LRRC7: variants seen among roughly 807,000 people sequenced by gnomAD.
The protein encoded by LRRC7 is leucine rich repeat containing 7.
LRRC7 carries 23 observed loss-of-function variants against 175.7 expected under a neutral mutation model. That is an observed-to-expected ratio of 0.13 (90% CI 0.09 to 0.19). The LOEUF is 0.19. Ranked by LOEUF, LRRC7 falls within the 10% of genes least tolerant of loss-of-function variation. LRRC7 has a pLI of 1.00. For synonymous variants in LRRC7, 685 were observed against 680.9 expected (o/e 1.01, Z -0.09); for missense variants, 1,354 against 1,904.7 (o/e 0.71, Z 5.38).
At chr1:69,618,780 A>G (rs1429956261) in intron 1 of LRRC7, among the ~76,000 whole-genome samples, 2 of 152,186 alleles carry the variant, frequency 1.3e-5, no homozygotes, top group Non-Finnish European at 2.9e-5. Context: ...GCCTAAAGCT[A>G]TAGGATCCTG....
At chr1:69,805,777 C>T (rs1040765497) in intron 4 of LRRC7, among the ~76,000 whole-genome samples, 1 of 151,794 alleles carries the variant, frequency 6.6e-6, no homozygotes, top group Admixed American at 6.6e-5. Context: ...ACTTTTAACT[C>T]TTTCTAATAT....
At chr1:69,617,324 T>C (rs1392023937) in intron 1 of LRRC7, among the ~76,000 whole-genome samples, 2 of 151,988 alleles carry the variant, frequency 1.3e-5, no homozygotes, top group Non-Finnish European at 2.9e-5. Context: ...AATCATATTA[T>C]TTATATGAGA....
intron 5 of LRRC7, among the ~76,000 whole-genome samples, chr1:69,826,260 A>G (rs1679899290): frequency 6.6e-6 from 1 of 152,182 alleles, no homozygotes; most frequent in Non-Finnish European, 1.5e-5. Context: ...GACCAGAAAT[A>G]GAAAGTACTT....
At chr1:69,881,891 A>T (rs1557845827) in intron 7 of LRRC7, among the ~76,000 whole-genome samples, 1 of 151,648 alleles carries the variant, frequency 6.6e-6, no homozygotes, top group Non-Finnish European at 1.5e-5. Flanking sequence ...AGATTAAAAA[A>T]AAAAAAAAAA....
chr1:69,846,876 C>A (rs1237631968), intron 7 of LRRC7, among the ~76,000 whole-genome samples: 2 of 151,886 alleles, frequency 1.3e-5, no homozygotes, highest in Admixed American at 6.6e-5. Flanking sequence ...ATAAAAATAT[C>A]TTTATCATAA....
chr1:70,116,149 C>T (rs772097430), intron 26 of LRRC7, among the ~76,000 whole-genome samples: 40 of 152,198 alleles, frequency 2.6e-4, no homozygotes, highest in Non-Finnish European at 5.0e-4. Flanking sequence ...AGTTTCTATT[C>T]AAATAATTCA....
chr1:70,132,255 G>A lies in LRRC7; in HGVS notation c.*10368G>A, dbSNP rs1482991444. On this transcript the variant is annotated 3_prime_UTR_variant, in exon 27 of 27. Coordinates refer to ENST00000651989, the MANE Select transcript of LRRC7 (RefSeq NM_001370785.2). ...TTCTGCCTTCCCTCCTGCTCTTCCAGATGTCAAAAGAAGAATTTACAGTGA... is the reference window on the plus strand; with the variant it reads ...TTCTGCCTTCCCTCCTGCTCTTCCAAATGTCAAAAGAAGAATTTACAGTGA... 1 of 152,130 alleles carries A rather than the reference G, an allele frequency of 6.6e-6. No homozygotes were observed. Among genetic ancestry groups the A allele is most frequent in the African/African-American group, 2.4e-5 (1 of 41,396 alleles). 9.4% of individuals were successfully genotyped at this position (152,130 alleles called of 1,614,324 possible). A position where few individuals can be genotyped will look rare whatever the true frequency, so the allele number is the denominator to read the frequency against.
At chr1:69,888,817 G>A (rs1570519405) in intron 7 of LRRC7, among the ~76,000 whole-genome samples, 1 of 152,210 alleles carries the variant, frequency 6.6e-6, no homozygotes, top group East Asian at 1.9e-4. Flanking sequence ...AGACAAACTT[G>A]CAGTTGTAAA....
chr1:69,802,787 T>C (rs1178737351), intron 4 of LRRC7, among the ~76,000 whole-genome samples: 1 of 151,390 alleles, frequency 6.6e-6, no homozygotes, highest in Non-Finnish European at 1.5e-5. Context: ...TGGTTCTTTG[T>C]TTCTCTCAAT....
intron 8 of LRRC7, among the ~76,000 whole-genome samples, chr1:69,947,930 CT>C (rs1362641949): frequency 2.6e-5 from 4 of 152,104 alleles, no homozygotes; most frequent in Admixed American, 6.6e-5. Flanking sequence ...CTCTCTCCCC[CT>C]CTTTCTCTCT....
intron 7 of LRRC7, among the ~76,000 whole-genome samples, chr1:69,910,742 A>G (rs1570614410): frequency 1.3e-5 from 2 of 152,336 alleles, no homozygotes; most frequent in African/African-American, 4.8e-5. Flanking sequence ...AGACAGGGAC[A>G]TTTAAGTCTG....
At chr1:69,680,680 AT>A (rs765359448) in intron 2 of LRRC7, among the ~76,000 whole-genome samples, 362 of 145,742 alleles carry the variant, frequency 2.5e-3, no homozygotes, top group Non-Finnish European at 3.2e-3. Context: ...AAAAGCCACA[AT>A]TTTTTTTTTT....
chr1:69,659,514 CAA>C (rs561697511), intron 1 of LRRC7, among the ~76,000 whole-genome samples: 26 of 122,296 alleles, frequency 2.1e-4, no homozygotes, highest in Non-Finnish European at 2.1e-4. Flanking sequence ...AACAATCAGC[CAA>C]AAAAAAAAAA....
chr1:70,008,542 A>C (rs956856002), intron 11 of LRRC7, among the ~76,000 whole-genome samples: 2 of 152,198 alleles, frequency 1.3e-5, no homozygotes, highest in Non-Finnish European at 2.9e-5. Flanking sequence ...CTGCATGATC[A>C]CCAGTTGTAG....
At chr1:69,717,409 A>C (rs1740911) in intron 2 of LRRC7, among the ~76,000 whole-genome samples, 66,187 of 151,160 alleles carry the variant, frequency 0.44, 14,688 homozygotes, top group Admixed American at 0.5. Context: ...TCACAGATAA[A>C]TCTATCATAT....
intron 2 of LRRC7, among the ~76,000 whole-genome samples, chr1:69,699,779 C>T (rs1456406033): frequency 6.6e-6 from 1 of 152,188 alleles, no homozygotes; most frequent in Non-Finnish European, 1.5e-5. Flanking sequence ...GGAAAACTCG[C>T]ACATTTTTTG....
Position 70,124,430 on chromosome 1 carries a change from G to A in LRRC7, c.*2543G>A, listed in dbSNP as rs776646483. Among the ~76,000 whole-genome samples the A allele has an allele frequency of 2.4e-4, 36 of 152,158 alleles. No homozygotes were observed. The highest frequency in any genetic ancestry group is 5.9e-4 in the Admixed American group (9 of 15,282). ...CCAGCTATTTGGGAGGCTGAGGCAT[G>A]AGAATCAATCGCTTGACCTGGGAGG... On this transcript the variant is annotated 3_prime_UTR_variant, in exon 27 of 27. Coordinates refer to ENST00000651989, the MANE Select transcript of LRRC7 (RefSeq NM_001370785.2).
At chr1:69,927,303 G>T (rs1276291456) in intron 7 of LRRC7, among the ~76,000 whole-genome samples, 1 of 152,214 alleles carries the variant, frequency 6.6e-6, no homozygotes, top group Admixed American at 6.5e-5. Flanking sequence ...TGCTCTTCTT[G>T]GGGAGTATCT....
At position 69,844,644 on chromosome 1, in the gene LRRC7, C is replaced by T. The variant is rs553090542; in HGVS notation, c.647+6361C>T. ...CTACTGTGAATAATGATGCAATGAA[C>T]ACGGGAGTGCAGACATCTCTTCAAG... On this transcript the variant is annotated intron_variant, in intron 7 of 26. Transcript: ENST00000651989. Among the ~76,000 whole-genome samples, 3 of 152,182 alleles carry T rather than the reference C, an allele frequency of 2.0e-5. No individual in the cohort carries two copies. The East Asian group carries it at 5.8e-4, about 29-fold the overall frequency.
Sources: allele counts gnomAD v4.1 joint callset (sites outside exome capture counted in the v4.1 genomes callset), GRCh38; gene constraint gnomAD v4.1.1; transcripts MANE v1.5; gene names NCBI Gene and HGNC (gene_info 2026-07-23, HGNC 2026-07-21).